EVA1A: variants seen among roughly 807,000 people sequenced by gnomAD.
EVA1A encodes protein eva-1 homolog A.
In EVA1A, 7 loss-of-function variants were observed where a neutral mutation model predicts 9.8. The ratio of observed to expected loss-of-function variants is 0.71; its 90% CI spans 0.41 to 1.34. The LOEUF is 1.34. Among genes scored for constraint, EVA1A ranks in the 40% most tolerant of loss-of-function variants. The pLI, the probability that EVA1A is intolerant of heterozygous loss-of-function variation, is 0.01. For synonymous variants in EVA1A, 90 were observed against 85.6 expected (o/e 1.05, Z -0.28); for missense variants, 206 against 205.9 (o/e 1.00, Z 0.00).
chr2:75,511,179 A>G (rs547288624), intron 3 of EVA1A, among the ~76,000 whole-genome samples: 75 of 152,330 alleles, frequency 4.9e-4, no homozygotes, highest in African/African-American at 1.8e-3. Context: ...GGGGCTTCTC[A>G]TATATCTTTT....
chr2:75,525,803 C>T (rs147626309), intron 1 of EVA1A, among the ~76,000 whole-genome samples: 13 of 152,320 alleles, frequency 8.5e-5, no homozygotes, highest in South Asian at 4.1e-4. Context: ...TCAAGACTTA[C>T]GTGGTGGTGG....
chr2:75,555,636 A>G (rs566866106), intron 1 of EVA1A, among the ~76,000 whole-genome samples: 1 of 152,262 alleles, frequency 6.6e-6, no homozygotes, highest in South Asian at 2.1e-4. Flanking sequence ...GCCAGCAGAG[A>G]TAAGAGGCAG....
intron 1 of EVA1A, among the ~76,000 whole-genome samples, chr2:75,534,505 A>G (rs1675804444): frequency 6.6e-6 from 1 of 152,076 alleles, no homozygotes; most frequent in South Asian, 2.1e-4. Context: ...AAGTAACTAA[A>G]AAAAGAAAAC....
intron 1 of EVA1A, among the ~76,000 whole-genome samples, chr2:75,566,505 C>A (rs1400218974): frequency 6.6e-6 from 1 of 152,192 alleles, no homozygotes; most frequent in Non-Finnish European, 1.5e-5. Flanking sequence ...TCCACATGTT[C>A]TCATCACTTC....
intron 2 of EVA1A, among the ~76,000 whole-genome samples, chr2:75,519,246 C>T (rs1675147569): frequency 6.6e-6 from 1 of 152,186 alleles, no homozygotes; most frequent in Non-Finnish European, 1.5e-5. Context: ...TCATTCGATG[C>T]TGCTATGAAC....
chr2:75,535,940 T>C (rs537811577), intron 1 of EVA1A, among the ~76,000 whole-genome samples: 1 of 152,300 alleles, frequency 6.6e-6, no homozygotes, highest in East Asian at 1.9e-4. Flanking sequence ...AATAAAATGT[T>C]TTTAAAAAAA....
intron 3 of EVA1A, among the ~76,000 whole-genome samples, chr2:75,496,322 T>C (rs1042239380): frequency 6.6e-6 from 1 of 152,172 alleles, no homozygotes; most frequent in Non-Finnish European, 1.5e-5. Flanking sequence ...AAACAGATAA[T>C]TGACTTCAGT....
chr2:75,563,469 C>T (rs1363530722), upstream of EVA1A, among the ~76,000 whole-genome samples: 1 of 152,212 alleles, frequency 6.6e-6, no homozygotes, highest in East Asian at 1.9e-4. Context: ...TAACTTCATG[C>T]TTGCATGCAC....
chr2:75,546,907 C>CA (rs751386318), intron 1 of EVA1A, among the ~76,000 whole-genome samples: 13,091 of 66,268 alleles, frequency 0.2, 1,264 homozygotes, highest in African/African-American at 0.35. Context: ...ATCAATAGGC[C>CA]AAAAAAAAAA....
intron 1 of EVA1A, among the ~76,000 whole-genome samples, chr2:75,546,628 G>A (rs1349920770): frequency 6.6e-6 from 1 of 152,138 alleles, no homozygotes; most frequent in African/African-American, 2.4e-5. Flanking sequence ...AGGGATCTTG[G>A]TCAGAGGAAG....
chr2:75,516,045 T>C (rs1056678129), intron 3 of EVA1A, among the ~76,000 whole-genome samples: 1 of 152,192 alleles, frequency 6.6e-6, no homozygotes, highest in African/African-American at 2.4e-5. Context: ...AGGCAACAGA[T>C]GCACTGGGAG....
chr2:75,549,559 G>A (rs756511720), intron 1 of EVA1A, among the ~76,000 whole-genome samples: 4 of 152,270 alleles, frequency 2.6e-5, no homozygotes, highest in South Asian at 2.1e-4. Context: ...GGAGGGGTCC[G>A]GCAGGGATGA....
At position 75,523,984 on chromosome 2, in the gene EVA1A, C is replaced by T. The variant is rs1420432296; in HGVS notation, c.-191-1497G>A. On this transcript the variant is annotated intron_variant, in intron 1 of 3. Coordinates refer to ENST00000393913, the MANE Select transcript of EVA1A (RefSeq NM_001135032.2). ...GTAATTGAATCATGGGGCAGTTACC[C>T]CCATGCTTCTGTTCTCCTAATAGTG... The T allele has an allele frequency of 2.6e-5, 4 of 152,088 alleles. No homozygotes were observed. The East Asian group carries it at 5.8e-4, about 22-fold the overall frequency. 9.4% of individuals were successfully genotyped at this position (152,088 alleles called of 1,614,324 possible). A position where few individuals can be genotyped will look rare whatever the true frequency, so the allele number is the denominator to read the frequency against.
chr2:75,518,831 G>A, intron 2 of EVA1A: 1 of 985,452 alleles, frequency 1.0e-6, no homozygotes, highest in Non-Finnish European at 1.2e-6. Context: ...CATCCCTCAG[G>A]TCACTAAATG....
intron 1 of EVA1A, among the ~76,000 whole-genome samples, chr2:75,555,743 CAA>C (rs1028287364): frequency 6.6e-6 from 1 of 152,136 alleles, no homozygotes; most frequent in Non-Finnish European, 1.5e-5. Flanking sequence ...GGTAAAATGT[CAA>C]AGTCACCTCC....
chr2:75,540,164 G>C (rs1388698365), intron 1 of EVA1A, among the ~76,000 whole-genome samples: 2 of 152,228 alleles, frequency 1.3e-5, no homozygotes, highest in Non-Finnish European at 2.9e-5. Context: ...GGCAAAGCAG[G>C]AATCAGAAGA....
At chr2:75,548,533 C>T (rs1676408769) in intron 1 of EVA1A, among the ~76,000 whole-genome samples, 1 of 152,158 alleles carries the variant, frequency 6.6e-6, no homozygotes. Flanking sequence ...ATCTCTACTC[C>T]CTTTCCACAT....
chr2:75,528,948 A>G (rs1675549887), intron 1 of EVA1A, among the ~76,000 whole-genome samples: 2 of 152,224 alleles, frequency 1.3e-5, no homozygotes, highest in Admixed American at 6.5e-5. Flanking sequence ...GGCTAACCAG[A>G]GGTCCTGAAT....
intron 2 of EVA1A, among the ~76,000 whole-genome samples, chr2:75,520,937 A>C (rs1012823137): frequency 6.6e-6 from 1 of 152,246 alleles, no homozygotes. Context: ...TTTGCAAATA[A>C]TATATCTGAT....
Sources: gnomAD v4.1 joint callset for allele counts (sites outside exome capture counted in the v4.1 genomes callset) on GRCh38, gnomAD v4.1.1 for gene constraint, MANE v1.5 for transcripts, NCBI Gene and HGNC (gene_info 2026-07-23, HGNC 2026-07-21) for gene names.